Variants in CCDC63 observed in about 807,000 individuals in gnomAD.
CCDC63 encodes coiled-coil domain-containing protein 63.
CCDC63 carries 54 observed loss-of-function variants against 63.6 expected under a neutral mutation model. That is an observed-to-expected ratio of 0.85 (90% CI 0.68 to 1.07). CCDC63 has a LOEUF of 1.07. Among genes scored for constraint, CCDC63 ranks in the 50% least tolerant of loss-of-function variants. The probability of loss-of-function intolerance (pLI) is 0.00; values close to 1 mark genes in which losing one functional copy is unlikely to be tolerated. For synonymous variants in CCDC63, 253 were observed against 266.1 expected, an observed-to-expected ratio of 0.95 and a Z score of 0.48; for missense variants, 637 against 689.6, an observed-to-expected ratio of 0.92 and a Z score of 0.86.
At chr12:110,905,974 AAATATATATTATATTAT>A (rs2071566315) in intron 11 of CCDC63, among the ~76,000 whole-genome samples, 1 of 59,664 alleles carries the variant, frequency 1.7e-5, no homozygotes, top group African/African-American at 8.4e-5. Flanking sequence ...ATATTATATA[AAATATATATTATATTAT>A]TATAATATAT....
chr12:110,881,647 A>G (rs980564288), intron 7 of CCDC63, among the ~76,000 whole-genome samples: 12 of 152,248 alleles, frequency 7.9e-5, no homozygotes, highest in African/African-American at 2.6e-4. Flanking sequence ...ACTTGAACCC[A>G]GGAGGCAGAG....
chr12:110,889,503 C>T lies in CCDC63; in HGVS notation c.1075-3573C>T, dbSNP rs558772330. ...AGCTGTCCAGATCTCTGGGGAAGAA[C>T]GCTCCAGGCAGAGGAAACAGCAACA... On this transcript the variant is annotated intron_variant, in intron 8 of 11. Transcript: ENST00000308208. This position sits in a 1 kb window ranked among gnomAD's most constrained non-coding sequence, Gnocchi z 4.1. Among the ~76,000 whole-genome samples the T allele has an allele frequency of 8.5e-4, 130 of 152,154 alleles. No homozygotes were observed. Among genetic ancestry groups the T allele is most frequent in the African/African-American group, 2.5e-3 (105 of 41,520 alleles).
At chr12:110,876,921 G>A (rs537918390) in intron 5 of CCDC63, among the ~76,000 whole-genome samples, 38 of 149,906 alleles carry the variant, frequency 2.5e-4, no homozygotes, top group African/African-American at 9.1e-4. Flanking sequence ...GCCTGCACCT[G>A]TAGTCCTAGC....
chr12:110,895,242 T>C (rs1387497630), intron 9 of CCDC63, among the ~76,000 whole-genome samples: 5 of 152,100 alleles, frequency 3.3e-5, no homozygotes, highest in Non-Finnish European at 5.9e-5. Context: ...GCCTCCCGAG[T>C]AGCTGGGATT....
Position 110,880,077 on chromosome 12 carries a change from T to C in CCDC63, c.661T>C (p.Tyr221His). The C allele has an allele frequency of 1.2e-6, 2 of 1,613,950 alleles. No individual in the cohort carries two copies. Among genetic ancestry groups the C allele is most frequent in the African/African-American group, 1.3e-5 (1 of 75,030 alleles). Residue 221 changes from tyrosine to histidine, a missense_variant, in exon 6 of 12, where the codon TAT becomes CAT. Transcript: ENST00000308208. ...NLAIEQSSQA[Y>H]EQRVEAMARM... is the part of the protein sequence containing the mutation. ...GGCCATTGAGCAATCTTCTCAGGCC[T>C]ATGAGCAGAGGTGGGCTGGGGATAG...
At position 110,881,137 on chromosome 12, in the gene CCDC63, G is replaced by A. The variant is rs771063837; in HGVS notation, c.694G>A (p.Ala232Thr). 1.5e-5 allele frequency: 24 copies of A among 1,610,678 alleles called. No individual in the cohort carries two copies. Among genetic ancestry groups the A allele is most frequent in the Non-Finnish European group, 2.0e-5 (24 of 1,179,374 alleles). ...EQRVEAMARM[A>T]AMKDRQKKDT... Reference sequence around the variant, plus strand: ...CAGGGTGGAGGCCATGGCTCGAATGGCTGCCATGAAAGACCGCCAGAAGAA... The same window carrying A: ...CAGGGTGGAGGCCATGGCTCGAATGACTGCCATGAAAGACCGCCAGAAGAA... Residue 232 changes from alanine (A) to threonine (T), a missense_variant, in exon 7 of 12, where the codon GCT becomes ACT. By Grantham distance (58) the Ala-to-Thr change is moderately conservative. Transcript: ENST00000308208.
At chr12:110,888,786 T>C (rs867118439) in intron 8 of CCDC63, among the ~76,000 whole-genome samples, 6 of 85,492 alleles carry the variant, frequency 7.0e-5, no homozygotes, top group South Asian at 4.7e-4. Context: ...TTGGTCCTTC[T>C]TTCCTTCCTT....
chr12:110,855,833 G>A lies in CCDC63; in HGVS notation c.179+2259G>A, dbSNP rs889672024. 2.6e-5 allele frequency among the ~76,000 whole-genome samples: 4 copies of A among 152,140 alleles called. No individual in the cohort carries two copies. In the East Asian group the frequency reaches 5.8e-4, roughly 22 times the overall value. On this transcript the variant is annotated intron_variant, in intron 3 of 11. Transcript: ENST00000308208. ...TGACCTCAGGTGATCCACCCGCCTC[G>A]GCCTCCCAAAGTGCTGGGATTACAG...
At chr12:110,900,488 A>T (rs1307125746) in intron 10 of CCDC63, among the ~76,000 whole-genome samples, 1 of 152,074 alleles carries the variant, frequency 6.6e-6, no homozygotes, top group East Asian at 1.9e-4. Flanking sequence ...AATCACATAC[A>T]TTTCTAGGCA....
rs369542557 is a variant in CCDC63 at position 110,866,618 on chromosome 12, G to A, written c.370-7224G>A. ...TGAGTGGACACAGCACATGTTTCAG[G>A]GAGCACAGGGTTGGGGGTAAGGTCA... On this transcript the variant is annotated intron_variant, in intron 4 of 11. Coordinates refer to ENST00000308208, the MANE Select transcript of CCDC63 (RefSeq NM_152591.3). 6.1e-3 allele frequency among the ~76,000 whole-genome samples: 909 copies of A among 149,842 alleles called. 2 individuals carry two copies. The highest frequency in any genetic ancestry group is 8.6e-3 in the Non-Finnish European group (577 of 67,140).
At chr12:110,880,572 A>G (rs1258702742) in intron 6 of CCDC63, among the ~76,000 whole-genome samples, 1 of 151,790 alleles carries the variant, frequency 6.6e-6, no homozygotes, top group Non-Finnish European at 1.5e-5. Flanking sequence ...TTTCATCACT[A>G]CTGTATTGTT....
chr12:110,856,252 A>G (rs945967276), intron 3 of CCDC63, among the ~76,000 whole-genome samples: 5 of 151,584 alleles, frequency 3.3e-5, no homozygotes, highest in African/African-American at 1.2e-4. Context: ...TGCCTGGCTA[A>G]TTTTTGTATT....
At chr12:110,893,438 A>G (rs2071382354) in intron 9 of CCDC63, among the ~76,000 whole-genome samples, 1 of 152,004 alleles carries the variant, frequency 6.6e-6, no homozygotes, top group South Asian at 2.1e-4. Flanking sequence ...TGGGCCTGCA[A>G]TTTCATCCCT....
At position 110,907,473 on chromosome 12, in the gene CCDC63, G is replaced by A; in HGVS notation, c.1689G>A (p.Met563Ile). ...TCAGATCCAGGAAGAAAGTAACCATGTGAGGTGCATGCATGGGGCCACCTT... is the reference window on the plus strand; with the variant it reads ...TCAGATCCAGGAAGAAAGTAACCATATGAGGTGCATGCATGGGGCCACCTT... The part of the protein sequence containing the change: ...DDFRSRKKVT[M>I] The change falls in exon 12 of 12, where the codon ATG (methionine) becomes ATA (isoleucine). Residue 563 changes from methionine to isoleucine, a missense_variant. Transcript: ENST00000308208. The surrounding 1 kb of genome is among the most constrained non-coding windows in gnomAD (Gnocchi z 4.4). 1 of 1,614,194 alleles carries A rather than the reference G, an allele frequency of 6.2e-7. No homozygotes were observed. Among genetic ancestry groups the A allele is most frequent in the Non-Finnish European group, 8.5e-7 (1 of 1,180,020 alleles).
chr12:110,872,157 T>C (rs577078717), intron 4 of CCDC63, among the ~76,000 whole-genome samples: 26 of 152,340 alleles, frequency 1.7e-4, no homozygotes, highest in African/African-American at 6.0e-4. Context: ...GGGAACCAGA[T>C]AGTGAATATT....
chr12:110,863,064 T>A (rs951251649), intron 4 of CCDC63, among the ~76,000 whole-genome samples: 3 of 152,206 alleles, frequency 2.0e-5, no homozygotes, highest in Non-Finnish European at 4.4e-5. Flanking sequence ...CTGTTTGTTT[T>A]ATTTCATTGG....
At chr12:110,867,742 A>G (rs71458373) in intron 4 of CCDC63, among the ~76,000 whole-genome samples, 9,578 of 77,148 alleles carry the variant, frequency 0.12, 310 homozygotes, top group Middle Eastern at 0.19. Flanking sequence ...GCGGCTGGCC[A>G]GGCGGGGGGC....
intron 5 of CCDC63, among the ~76,000 whole-genome samples, chr12:110,876,003 G>T (rs1045739740): frequency 6.6e-6 from 1 of 151,850 alleles, no homozygotes; most frequent in African/African-American, 2.4e-5. Flanking sequence ...CTATTTTGGA[G>T]GCTGAGGCAG....
chr12:110,846,014 C>T (rs992803091), upstream of CCDC63: 8 of 149,490 alleles, frequency 5.4e-5, no homozygotes, highest in African/African-American at 2.0e-4. Context: ...GTTGGCCAGG[C>T]TGGTCTTGAG....
Sources: gnomAD v4.1 joint callset for allele counts (sites outside exome capture counted in the v4.1 genomes callset) on GRCh38, gnomAD v4.1.1 for gene constraint, Gnocchi (gnomAD v3.1) non-coding constraint, MANE v1.5 for transcripts, NCBI Gene and HGNC (gene_info 2026-07-23, HGNC 2026-07-21) for gene names.